COG5: variants seen among roughly 807,000 people sequenced by gnomAD.
COG5 encodes the protein component of oligomeric golgi complex 5.
Under a neutral mutation model 110.4 loss-of-function variants are expected in COG5, and 86 were observed. The ratio of observed to expected loss-of-function variants is 0.78; its 90% CI spans 0.65 to 0.93. The LOEUF (loss-of-function observed/expected upper bound fraction) is 0.93. COG5 is among the 40% of genes least tolerant of loss of function. The pLI is 0.00. For synonymous variants in COG5, 360 were observed against 334.6 expected, an observed-to-expected ratio of 1.08 and a Z score of -0.83; for missense variants, 1,077 against 987.0, an observed-to-expected ratio of 1.09 and a Z score of -1.22.
In COG5 at chr7:107,257,166, TA is replaced by T. The variant is rs575483696; in HGVS notation, c.1687-373del. On this transcript the variant is annotated intron_variant, in intron 15 of 21. Transcript: ENST00000297135. ...TCTGATTTCCAACAAGTCTTTAAAA[TA>T]AAAATGTCAGCATTTCAATTTTTAC... is the stretch of plus-strand genomic sequence containing the variant. Among the ~76,000 whole-genome samples, 9 of 152,232 alleles carry T rather than the reference TA, an allele frequency of 5.9e-5. 1 individual carries two copies. Among genetic ancestry groups the T allele is most frequent in the Admixed American group, 5.9e-4 (9 of 15,286 alleles).
chr7:107,493,736 G>A (rs758509586), intron 6 of COG5, among the ~76,000 whole-genome samples: 13 of 152,072 alleles, frequency 8.5e-5, no homozygotes, highest in Non-Finnish European at 1.3e-4. Flanking sequence ...CAAGACCCAT[G>A]AGTTCAACAC....
Position 107,547,657 on chromosome 7 carries a change from T to C in COG5, c.417+454A>G, listed in dbSNP as rs189153335. ...CCTAAAGACTCCACCAAAAGAGTGC[T>C]AGAATAAATGCATACAGTAAAGTCA... On this transcript the variant is annotated intron_variant, in intron 5 of 21. Coordinates refer to ENST00000297135, the MANE Select transcript of COG5 (RefSeq NM_006348.5). Among the ~76,000 whole-genome samples, 155 of 152,260 alleles carry C rather than the reference T, an allele frequency of 1.0e-3. 1 individual carries two copies. Among genetic ancestry groups the C allele is most frequent in the Middle Eastern group, 3.4e-3 (1 of 294 alleles).
intron 5 of COG5, among the ~76,000 whole-genome samples, chr7:107,535,097 A>C (rs1248464380): frequency 2.0e-5 from 3 of 151,638 alleles, no homozygotes; most frequent in Admixed American, 2.0e-4. Context: ...TTAAGGCAGA[A>C]ATAAATCAGT....
At position 107,211,240 on chromosome 7, in the gene COG5, C is replaced by G; in HGVS notation, c.2169-15G>C. The G allele has an allele frequency of 6.2e-7, 1 of 1,613,392 alleles. No individual in the cohort carries two copies. Among genetic ancestry groups the G allele is most frequent in the South Asian group, 1.1e-5 (1 of 91,062 alleles). Reference sequence around the variant, plus strand: ...AGAGCAGAGGTCTAGACGGGAAAAACAGAAGTTATTTCACACTGTTCAATA... The same window carrying G: ...AGAGCAGAGGTCTAGACGGGAAAAAGAGAAGTTATTTCACACTGTTCAATA... On this transcript the variant is annotated splice_polypyrimidine_tract_variant and intron_variant, in intron 19 of 21. Coordinates refer to ENST00000297135, the MANE Select transcript of COG5 (RefSeq NM_006348.5).
At chr7:107,561,691 A>C (rs1205464084) in intron 1 of COG5, among the ~76,000 whole-genome samples, 2 of 152,078 alleles carry the variant, frequency 1.3e-5, no homozygotes, top group African/African-American at 4.8e-5. Context: ...CGGAGCAGAG[A>C]CTCGGCCGGG....
chr7:107,459,534 C>A (rs752549407), intron 6 of COG5, among the ~76,000 whole-genome samples: 1 of 151,868 alleles, frequency 6.6e-6, no homozygotes, highest in Non-Finnish European at 1.5e-5. Flanking sequence ...TGGTGGCTCA[C>A]GACTGTAATT....
intron 10 of COG5, among the ~76,000 whole-genome samples, chr7:107,346,382 AG>A (rs1432245992): frequency 6.6e-6 from 1 of 151,200 alleles, no homozygotes; most frequent in South Asian, 2.1e-4. Context: ...AAAGGAAACA[AG>A]GGGGGAAAGC....
chr7:107,319,632 T>C (rs1032981319), intron 11 of COG5, among the ~76,000 whole-genome samples: 5 of 152,212 alleles, frequency 3.3e-5, no homozygotes, highest in South Asian at 4.1e-4. Flanking sequence ...TAGTTTATAA[T>C]GGGAGAACAT....
chr7:107,440,772 A>C (rs1794657812), intron 6 of COG5, among the ~76,000 whole-genome samples: 1 of 152,198 alleles, frequency 6.6e-6, no homozygotes. Flanking sequence ...TGATGAATAC[A>C]TCAAGGTGCT....
chr7:107,443,958 G>A (rs1426345960), intron 6 of COG5, among the ~76,000 whole-genome samples: 1 of 152,150 alleles, frequency 6.6e-6, no homozygotes, highest in Non-Finnish European at 1.5e-5. Flanking sequence ...TACAGATTCT[G>A]CACAAATTAA....
chr7:107,384,641 A>C (rs1395211200), intron 7 of COG5, among the ~76,000 whole-genome samples: 2 of 152,178 alleles, frequency 1.3e-5, no homozygotes, highest in Non-Finnish European at 2.9e-5. Context: ...GTCCTGCAAC[A>C]ATGTCATGAC....
chr7:107,362,012 A>C, intron 10 of COG5, 21 bp downstream of exon 10: 1 of 1,505,994 alleles, frequency 6.6e-7, no homozygotes, highest in South Asian at 1.2e-5. Context: ...AAGATGTAAA[A>C]ATATTTTCCT....
Position 107,256,722 on chromosome 7 carries a change from A to G in COG5, c.1749+10T>C. On this transcript the variant is annotated intron_variant, in intron 16 of 21. Coordinates refer to ENST00000297135, the MANE Select transcript of COG5 (RefSeq NM_006348.5). ...TTTGATCTATAGAGTCAAAGATTAA[A>G]TTCTTTTACCTTTAGAGCTGAAATT... 6.3e-7 allele frequency: 1 copy of G among 1,597,638 alleles called. No homozygotes were observed.
chr7:107,426,728 T>C (rs1393078345), intron 6 of COG5, among the ~76,000 whole-genome samples: 2 of 152,228 alleles, frequency 1.3e-5, no homozygotes, highest in African/African-American at 4.8e-5. Context: ...ATAAACATTC[T>C]GTCCATTGCA....
In COG5 at chr7:107,474,577, C is replaced by T. The variant is rs775195969; in HGVS notation, c.538+52660G>A. 5.0e-6 allele frequency: 8 copies of T among 1,610,388 alleles called. No individual in the cohort carries two copies. The highest frequency in any genetic ancestry group is 4.0e-5 in the African/African-American group (3 of 74,632). ...TTGGATTTTTTCTTTTTTCTCTTTC[C>T]TGATTCCTTTTATTGAGGTAAATTT... On this transcript the variant is annotated intron_variant, in intron 6 of 21. Coordinates refer to ENST00000297135, the MANE Select transcript of COG5 (RefSeq NM_006348.5). The surrounding 1 kb of genome is among the most constrained non-coding windows in gnomAD (Gnocchi z 5.7).
chr7:107,508,018 CCAGA>C (rs1056650463), intron 6 of COG5, among the ~76,000 whole-genome samples: 44 of 152,190 alleles, frequency 2.9e-4, no homozygotes, highest in Middle Eastern at 3.2e-3. Flanking sequence ...CTAGAGAGTG[CCAGA>C]CAGTGGGTGC....
intron 6 of COG5, among the ~76,000 whole-genome samples, chr7:107,482,604 GA>G (rs11365572): frequency 0.42 from 63,680 of 151,470 alleles, 13,731 homozygotes; most frequent in Non-Finnish European, 0.47. Flanking sequence ...CTGCCTTCTT[GA>G]AAAAAAACTC....
intron 5 of COG5, among the ~76,000 whole-genome samples, chr7:107,530,944 T>C (rs1364757446): frequency 2.0e-5 from 3 of 152,140 alleles, no homozygotes; most frequent in African/African-American, 4.8e-5. Context: ...GACAGGATCA[T>C]GTGAGCCACC....
At chr7:107,407,158 G>A (rs557797855) in intron 7 of COG5, among the ~76,000 whole-genome samples, 25 of 152,192 alleles carry the variant, frequency 1.6e-4, no homozygotes, top group African/African-American at 4.1e-4. Context: ...GAGGCGGGTC[G>A]ATCATCTGAG....
Sources: gnomAD v4.1 joint callset for allele counts (sites outside exome capture counted in the v4.1 genomes callset) on GRCh38, gnomAD v4.1.1 for gene constraint, Gnocchi (gnomAD v3.1) non-coding constraint, MANE v1.5 for transcripts, NCBI Gene and HGNC (gene_info 2026-07-23, HGNC 2026-07-21) for gene names.